Variants in MALRD1 observed in about 807,000 individuals in gnomAD.
MALRD1 encodes the protein MAM and LDL receptor class A domain containing 1.
In MALRD1, 247 loss-of-function variants were observed where a neutral mutation model predicts 242.1. The ratio of observed to expected loss-of-function variants is 1.02; its 90% CI spans 0.92 to 1.13. The LOEUF (loss-of-function observed/expected upper bound fraction) is 1.13. MALRD1 is among the 50% of genes most tolerant of loss of function. MALRD1 has a pLI of 0.00. For missense variants in MALRD1, 2,989 were observed against 2,533.1 expected (o/e 1.18, Z -3.86); for synonymous variants, 995 against 866.6 (o/e 1.15, Z -2.60).
intron 36 of MALRD1, among the ~76,000 whole-genome samples, chr10:19,637,616 C>T (rs193085337): frequency 3.9e-5 from 6 of 152,174 alleles, no homozygotes; most frequent in East Asian, 1.9e-4. Flanking sequence ...AGGTTATTGT[C>T]GTATTCACTT....
chr10:19,446,778 A>G (rs1835006393), intron 28 of MALRD1, among the ~76,000 whole-genome samples: 1 of 152,086 alleles, frequency 6.6e-6, no homozygotes, highest in Non-Finnish European at 1.5e-5. Flanking sequence ...ATTAGTGTCT[A>G]TTTTTTACTC....
At chr10:19,254,474 C>A (rs1356618180) in intron 18 of MALRD1, among the ~76,000 whole-genome samples, 1 of 151,928 alleles carries the variant, frequency 6.6e-6, no homozygotes, top group Non-Finnish European at 1.5e-5. Flanking sequence ...CAAATACCTA[C>A]ATGTGCATTG....
At chr10:19,056,352 T>A (rs1020318569) in intron 1 of MALRD1, among the ~76,000 whole-genome samples, 1 of 152,114 alleles carries the variant, frequency 6.6e-6, no homozygotes, top group African/African-American at 2.4e-5. Context: ...TAATTGTGTT[T>A]CCTTAAGTTT....
rs1320063859 is a variant in MALRD1 at position 19,542,265 on chromosome 10, T to C, written c.5478+10914T>C. Among the ~76,000 whole-genome samples the C allele has an allele frequency of 7.2e-5, 11 of 152,244 alleles. No individual in the cohort carries two copies. In the East Asian group the frequency reaches 1.9e-3, roughly 27 times the overall value. ...GAATATTATTTCTTTATAAAAACCA[T>C]TTAATATACTTGAAGCTCAAGTAAC... On this transcript the variant is annotated intron_variant, in intron 32 of 39. Coordinates refer to ENST00000454679, the MANE Select transcript of MALRD1 (RefSeq NM_001142308.3).
chr10:19,096,118 A>G (rs1483681624), intron 4 of MALRD1, among the ~76,000 whole-genome samples: 2 of 152,146 alleles, frequency 1.3e-5, no homozygotes, highest in Non-Finnish European at 2.9e-5. Flanking sequence ...GAAGCATAAG[A>G]TATTAGAGTG....
chr10:19,176,720 A>G (rs1352832736), intron 14 of MALRD1, among the ~76,000 whole-genome samples: 1 of 151,986 alleles, frequency 6.6e-6, no homozygotes, highest in Middle Eastern at 3.2e-3. Flanking sequence ...CTTTATTCAG[A>G]ATGTGTATCC....
intron 32 of MALRD1, among the ~76,000 whole-genome samples, chr10:19,541,600 T>C (rs986748257): frequency 6.6e-6 from 1 of 152,208 alleles, no homozygotes; most frequent in Non-Finnish European, 1.5e-5. Context: ...ATGGTATCAA[T>C]GTCTTATATT....
chr10:19,216,945 C>CA (rs71200980), intron 18 of MALRD1, among the ~76,000 whole-genome samples: 39 of 107,944 alleles, frequency 3.6e-4, no homozygotes, highest in East Asian at 2.5e-3. Flanking sequence ...GACTCCGTCT[C>CA]AAAAAAAAAA....
intron 11 of MALRD1, among the ~76,000 whole-genome samples, chr10:19,149,077 C>CGTCTATCTATCT (rs1554798064): frequency 6.9e-6 from 1 of 143,920 alleles, no homozygotes; most frequent in Non-Finnish European, 1.5e-5. Flanking sequence ...TCTATCTGTC[C>CGTCTATCTATCT]ATCTATCTAT....
intron 29 of MALRD1, among the ~76,000 whole-genome samples, chr10:19,485,200 G>C (rs1008622752): frequency 6.6e-6 from 1 of 152,144 alleles, no homozygotes; most frequent in Non-Finnish European, 1.5e-5. Flanking sequence ...AGAGTAGTTC[G>C]AGGGATGAAA....
chr10:19,159,196 A>G lies in MALRD1; in HGVS notation c.1656+4024A>G, dbSNP rs1313084778. Among the ~76,000 whole-genome samples the G allele has an allele frequency of 3.9e-5, 6 of 152,306 alleles. No individual in the cohort carries two copies. The East Asian group carries it at 1.2e-3, about 29-fold the overall frequency. On this transcript the variant is annotated intron_variant, in intron 12 of 39. Transcript: ENST00000454679. ...AAAAGCATAACTGACTAGGAGCCATAAAAATCACTATGGTAATGGTGAGGG... is the reference window on the plus strand; with the variant it reads ...AAAAGCATAACTGACTAGGAGCCATGAAAATCACTATGGTAATGGTGAGGG...
intron 26 of MALRD1, among the ~76,000 whole-genome samples, chr10:19,385,295 T>C (rs1846028805): frequency 6.6e-6 from 1 of 152,056 alleles, no homozygotes; most frequent in African/African-American, 2.4e-5. Flanking sequence ...TCTTCAATTT[T>C]TTGGAAGAGT....
chr10:19,631,220 C>A (rs1489289843), intron 36 of MALRD1, among the ~76,000 whole-genome samples: 1 of 152,156 alleles, frequency 6.6e-6, no homozygotes, highest in Admixed American at 6.5e-5. Context: ...ATTTAGCTCC[C>A]ACTTATAAGT....
chr10:19,615,372 G>A (rs1839096636), intron 35 of MALRD1, among the ~76,000 whole-genome samples: 1 of 151,370 alleles, frequency 6.6e-6, no homozygotes, highest in African/African-American at 2.4e-5. Flanking sequence ...CTAAAAATTA[G>A]GCAAGTGTAG....
At chr10:19,581,669 G>A (rs1459104644) in intron 33 of MALRD1, among the ~76,000 whole-genome samples, 9 of 148,704 alleles carry the variant, frequency 6.1e-5, no homozygotes, top group East Asian at 3.9e-4. Flanking sequence ...GAATAATGCC[G>A]CAGTAAACAT....
intron 21 of MALRD1, among the ~76,000 whole-genome samples, chr10:19,297,385 T>C (rs1243292859): frequency 6.6e-6 from 1 of 151,726 alleles, no homozygotes; most frequent in Non-Finnish European, 1.5e-5. Context: ...GGAGTATATA[T>C]AGATTGGGTT....
At chr10:19,479,401 G>A (rs1439898843) in intron 29 of MALRD1, among the ~76,000 whole-genome samples, 1 of 152,166 alleles carries the variant, frequency 6.6e-6, no homozygotes, top group East Asian at 1.9e-4. Context: ...ATCCATATTT[G>A]AGTCGGATGA....
rs1253033899 is a variant in MALRD1, at chr10:19,209,539, T to G, written c.2850T>G (p.Phe950Leu). 1.9e-6 allele frequency: 3 copies of G among 1,550,776 alleles called. No individual in the cohort carries two copies. Among genetic ancestry groups the G allele is most frequent in the Non-Finnish European group, 2.6e-6 (3 of 1,147,010 alleles). ...CCTTCCGCTTCTATTACCACATGTTTGGAAAGCGCATTTATAGGTTGGCAA... is the reference window on the plus strand; with the variant it reads ...CCTTCCGCTTCTATTACCACATGTTGGGAAAGCGCATTTATAGGTTGGCAA... ...GCTFRFYYHM[F>L]GKRIYRLAIY... The change falls in exon 18 of 40, where the codon TTT becomes TTG. Residue 950 changes from phenylalanine to leucine, a missense_variant. Coordinates refer to ENST00000454679, the MANE Select transcript of MALRD1 (RefSeq NM_001142308.3).
At chr10:19,324,490 T>G (rs1843033498) in intron 22 of MALRD1, among the ~76,000 whole-genome samples, 1 of 152,134 alleles carries the variant, frequency 6.6e-6, no homozygotes, top group African/African-American at 2.4e-5. Context: ...CATTCTGTAA[T>G]AGTCTTTTTC....
Sources: allele counts gnomAD v4.1 joint callset (sites outside exome capture counted in the v4.1 genomes callset), GRCh38; gene constraint gnomAD v4.1.1; transcripts MANE v1.5; gene names NCBI Gene and HGNC (gene_info 2026-07-23, HGNC 2026-07-21).